The following DNAH10 variants were observed in gnomAD, a reference collection of about 807,000 sequenced individuals.
DNAH10 encodes axonemal beta dynein heavy chain 10.
A neutral mutation model predicts 506.6 loss-of-function variants in DNAH10; 348 were observed. The ratio of observed to expected loss-of-function variants is 0.69; its 90% CI spans 0.63 to 0.75. The LOEUF (loss-of-function observed/expected upper bound fraction) is 0.75, where lower values mean the gene tolerates loss of function less well. Among genes scored for constraint, DNAH10 ranks in the 30% least tolerant of loss-of-function variants. The probability of loss-of-function intolerance (pLI) is 0.00; values close to 1 mark genes in which losing one functional copy is unlikely to be tolerated. For synonymous variants in DNAH10, 2,059 were observed against 2,198.6 expected (o/e 0.94, Z 1.78); for missense variants, 5,179 against 5,787.1 (o/e 0.89, Z 3.41).
At chr12:123,852,306 A>G (rs763795119) in intron 35 of DNAH10, among the ~76,000 whole-genome samples, 4 of 152,252 alleles carry the variant, frequency 2.6e-5, no homozygotes, top group Non-Finnish European at 5.9e-5. Flanking sequence ...TATAAAATGT[A>G]CATACGTAAG....
intron 57 of DNAH10, among the ~76,000 whole-genome samples, chr12:123,906,941 A>G (rs888978014): frequency 3.3e-5 from 5 of 152,264 alleles, no homozygotes; most frequent in African/African-American, 1.2e-4. Flanking sequence ...CTATAAAACT[A>G]TAAAAGCCTC....
At chr12:123,779,344 A>C (rs1277706654) in intron 5 of DNAH10, among the ~76,000 whole-genome samples, 2 of 152,100 alleles carry the variant, frequency 1.3e-5, no homozygotes, top group Non-Finnish European at 2.9e-5. Flanking sequence ...CCAGCTTTTC[A>C]AATCCATGAA....
chr12:123,894,497 A>T, intron 53 of DNAH10, 146 bp from the exon 54 acceptor site: 1 of 642,002 alleles, frequency 1.6e-6, no homozygotes, highest in South Asian at 2.0e-5. Context: ...ACCTCAAATG[A>T]TCCACCCGCC....
chr12:123,862,236 A>G (rs1254741213), intron 39 of DNAH10, among the ~76,000 whole-genome samples: 1 of 152,182 alleles, frequency 6.6e-6, no homozygotes, highest in Non-Finnish European at 1.5e-5. Context: ...ATAACTTATG[A>G]CTAAGTAAAT....
At chr12:123,786,035 C>A (rs1594018336) in intron 9 of DNAH10, 99 bp downstream of exon 9, 13 of 1,287,568 alleles carry the variant, frequency 1.0e-5, no homozygotes, top group Middle Eastern at 1.9e-4. Flanking sequence ...ACATATAATT[C>A]TCTTACTTAA....
chr12:123,914,900 C>T lies in DNAH10; in HGVS notation c.10623C>T (p.Gly3541=). Reference sequence around the variant, plus strand: ...CCGATGAGCTCTCCGTTCAGAATGGCATCCTCACCACCCGGGCCAGCCGCT... The same window carrying T: ...CCGATGAGCTCTCCGTTCAGAATGGTATCCTCACCACCCGGGCCAGCCGCT... The part of the protein sequence containing the change: ...LPPDELSVQN[G]ILTTRASRFP... Residue 3541 remains glycine, a synonymous_variant, in exon 62 of 79, where the codon GGC becomes GGT. Coordinates refer to ENST00000673944, the MANE Select transcript of DNAH10 (RefSeq NM_001372106.1). The T allele has an allele frequency of 1.2e-6, 2 of 1,613,574 alleles. No individual in the cohort carries two copies. The highest frequency in any genetic ancestry group is 2.2e-5 in the East Asian group (1 of 44,878).
In DNAH10 at chr12:123,783,131, T is replaced by A. The variant is rs770820583; in HGVS notation, c.866T>A (p.Ile289Asn). 71 of 1,614,124 alleles carry A rather than the reference T, an allele frequency of 4.4e-5. No homozygotes were observed. The highest frequency in any genetic ancestry group is 6.0e-5 in the Non-Finnish European group (71 of 1,180,014). The change falls in exon 7 of 79, where the codon ATC becomes AAC. Residue 289 changes from isoleucine to asparagine, a missense_variant. By Grantham distance (149) the Ile-to-Asn change is moderately radical. Coordinates refer to ENST00000673944, the MANE Select transcript of DNAH10 (RefSeq NM_001372106.1). ...LEGEIKLEMP[I>N]ISVEGEVSDL... ...GGTGAGATCAAGTTAGAAATGCCAATCATCAGTGTGGAGGGAGAGGTGTCT... is the reference window on the plus strand; with the variant it reads ...GGTGAGATCAAGTTAGAAATGCCAAACATCAGTGTGGAGGGAGAGGTGTCT...
At chr12:123,778,294 T>C (rs181843625) in intron 5 of DNAH10, among the ~76,000 whole-genome samples, 167 of 152,306 alleles carry the variant, frequency 1.1e-3, no homozygotes, top group African/African-American at 3.0e-3. Flanking sequence ...CAACCAGTCA[T>C]GTCTAAAGGA....
intron 57 of DNAH10, among the ~76,000 whole-genome samples, chr12:123,904,057 G>A (rs765654774): frequency 2.0e-5 from 3 of 152,212 alleles, no homozygotes; most frequent in African/African-American, 4.8e-5. Context: ...GCTGAGCAGC[G>A]CTCCTTGTCC....
chr12:123,896,435 C>T (rs1015932691), intron 54 of DNAH10, among the ~76,000 whole-genome samples: 7 of 152,116 alleles, frequency 4.6e-5, no homozygotes, highest in Non-Finnish European at 7.4e-5. Context: ...ATCAGATAAT[C>T]CAGGTGATGT....
At chr12:123,805,276 C>T (rs1019587909) in intron 18 of DNAH10, among the ~76,000 whole-genome samples, 3 of 152,276 alleles carry the variant, frequency 2.0e-5, no homozygotes, top group South Asian at 2.1e-4. Flanking sequence ...TGAAAGCCAT[C>T]GTGAGCCTGT....
Position 123,914,358 on chromosome 12 carries a change from A to T in DNAH10, c.10382A>T (p.His3461Leu). 1 of 1,613,200 alleles carries T rather than the reference A, an allele frequency of 6.2e-7. No homozygotes were observed. The highest frequency in any genetic ancestry group is 8.5e-7 in the Non-Finnish European group (1 of 1,179,872). The stretch of plus-strand genomic sequence containing the variant: ...CTGAACGACCTGGATGAGCTGATGC[A>T]CCGGCGCGTGAAGCTGCTGGGGGAC... ...RWLNDLDELM[H>L]RRVKLLGDCL... Residue 3461 changes from histidine (H) to leucine (L), a missense_variant, in exon 61 of 79, where the codon CAC (histidine) becomes CTC (leucine). Around this residue, in one of 3 missense-constraint regions of DNAH10, gnomAD observed 4,844 missense variants for 5,430.5 expected, o/e 0.89. Transcript: ENST00000673944.
Position 123,925,107 on chromosome 12 carries a change from A to G in DNAH10, c.11824A>G (p.Ile3942Val), listed in dbSNP as rs1025804337. Residue 3942 changes from isoleucine to valine, a missense_variant, in exon 68 of 79, where the codon ATC becomes GTC. By Grantham distance (29) the Ile-to-Val change is conservative. Transcript: ENST00000673944. This position sits in a 1 kb window ranked among gnomAD's most constrained non-coding sequence, Gnocchi z 4.0. ...FPVPLGYDNN[I>V]TPFQKLLILR... ...CGTCCCCTTGGGTTACGATAACAAC[A>G]TCACCCCTTTCCAGAAGTTGCTTAT... 1 of 1,613,896 alleles carries G rather than the reference A, an allele frequency of 6.2e-7. No homozygotes were observed. The highest frequency in any genetic ancestry group is 1.7e-5 in the Admixed American group (1 of 59,998).
At position 123,928,342 on chromosome 12, in the gene DNAH10, G is replaced by T; in HGVS notation, c.12106-45G>T. The stretch of plus-strand genomic sequence containing the variant: ...TGGGTCTCTGGAGAGCACGGGGTTG[G>T]GTTTGGATGCCAACCCCTCTCCTCT... On this transcript the variant is annotated intron_variant, in intron 69 of 78. Coordinates refer to ENST00000673944, the MANE Select transcript of DNAH10 (RefSeq NM_001372106.1). The surrounding 1 kb of genome is among the most constrained non-coding windows in gnomAD (Gnocchi z 4.9). 2 of 1,547,436 alleles carry T rather than the reference G, an allele frequency of 1.3e-6. No homozygotes were observed.
chr12:123,855,131 T>C (rs1951335379), intron 36 of DNAH10, among the ~76,000 whole-genome samples: 1 of 152,124 alleles, frequency 6.6e-6, no homozygotes, highest in Non-Finnish European at 1.5e-5. Context: ...GGGGCTCCTG[T>C]GTTGAGTCTG....
In DNAH10 at chr12:123,925,261, C is replaced by T; in HGVS notation, c.11921+57C>T. On this transcript the variant is annotated intron_variant, in intron 68 of 78. Transcript: ENST00000673944. This position sits in a 1 kb window ranked among gnomAD's most constrained non-coding sequence, Gnocchi z 4.0. ...TCCGTGGGGTGGAATCTCTAGCGTC[C>T]TCCCACCTTGGACTCAAAGAAAGCA... is the stretch of plus-strand genomic sequence containing the variant. The T allele has an allele frequency of 6.2e-7, 1 of 1,608,388 alleles. No homozygotes were observed. Among genetic ancestry groups the T allele is most frequent in the Non-Finnish European group, 8.5e-7 (1 of 1,175,902 alleles).
At chr12:123,795,019 G>A (rs1437750197) in intron 12 of DNAH10, among the ~76,000 whole-genome samples, 1 of 151,360 alleles carries the variant, frequency 6.6e-6, no homozygotes, top group East Asian at 1.9e-4. Flanking sequence ...CGTGGTGGTG[G>A]TGTCTGTAAT....
chr12:123,767,814 G>A lies in DNAH10; in HGVS notation c.298+125G>A, dbSNP rs114637394. On this transcript the variant is annotated intron_variant, in intron 2 of 78. Transcript: ENST00000673944. The stretch of plus-strand genomic sequence containing the variant: ...ACTGGGTATGAACCACAAAGAGAAA[G>A]TGCTGGGTCATGAATAGACGGATGT... The A allele has an allele frequency of 1.1e-3, 901 of 803,142 alleles. 6 individuals are homozygous for A. The African/African-American group carries it at 0.014, about 12-fold the overall frequency. The allele number at this position is 803,142 out of a possible 1,614,324, so 49.8% of individuals were successfully genotyped here.
At chr12:123,904,148 C>A (rs1235825451) in intron 57 of DNAH10, among the ~76,000 whole-genome samples, 1 of 152,192 alleles carries the variant, frequency 6.6e-6, no homozygotes, top group African/African-American at 2.4e-5. Flanking sequence ...GACAGAATGA[C>A]CTCCCGGTTC....
Sources: allele counts gnomAD v4.1 joint callset (sites outside exome capture counted in the v4.1 genomes callset), GRCh38; gene constraint gnomAD v4.1.1; regional missense constraint gnomAD v4.1.1; non-coding constraint Gnocchi (gnomAD v3.1); transcripts MANE v1.5; gene names NCBI Gene and HGNC (gene_info 2026-07-23, HGNC 2026-07-21).